The following SEMA6D variants were observed in gnomAD, a reference collection of about 807,000 sequenced individuals.
The protein encoded by SEMA6D is semaphorin-6D.
In SEMA6D, 35 loss-of-function variants were observed where a neutral mutation model predicts 106.6. The observed-to-expected ratio is 0.33, with a 90% confidence interval of 0.25 to 0.44. The LOEUF is 0.44. Among genes scored for constraint, SEMA6D ranks in the 20% least tolerant of loss-of-function variants. The pLI is 1.00. For missense variants in SEMA6D, 1,185 were observed against 1,345.9 expected (o/e 0.88, Z 1.87); for synonymous variants, 499 against 487.7 (o/e 1.02, Z -0.31).
intron 1 of SEMA6D, among the ~76,000 whole-genome samples, chr15:47,205,666 C>T (rs2141134483): frequency 6.6e-6 from 1 of 152,180 alleles, no homozygotes; most frequent in South Asian, 2.1e-4. Flanking sequence ...TAGAAAGCCA[C>T]AGATATATTT....
intron 1 of SEMA6D, among the ~76,000 whole-genome samples, chr15:47,255,268 A>T (rs1330665903): frequency 6.6e-6 from 1 of 152,078 alleles, no homozygotes; most frequent in Non-Finnish European, 1.5e-5. Context: ...TCGTTGTATT[A>T]CTGTGGTGTC....
intron 18 of SEMA6D, among the ~76,000 whole-genome samples, chr15:47,769,891 T>C (rs1296763906): frequency 6.6e-6 from 1 of 152,062 alleles, no homozygotes; most frequent in Admixed American, 6.6e-5. Context: ...ACATAGTCGG[T>C]CATTCAAGAG....
At chr15:47,208,138 G>A (rs1895236184) in intron 1 of SEMA6D, among the ~76,000 whole-genome samples, 1 of 151,526 alleles carries the variant, frequency 6.6e-6, no homozygotes, top group East Asian at 1.9e-4. Flanking sequence ...TGAGATTTGG[G>A]GCTTGTTTTA....
intron 4 of SEMA6D, among the ~76,000 whole-genome samples, chr15:47,657,624 AC>A: frequency 6.7e-6 from 1 of 148,342 alleles, no homozygotes; most frequent in Middle Eastern, 3.5e-3. Context: ...CAACATGTAT[AC>A]CTTTTTTAAT....
intron 1 of SEMA6D, among the ~76,000 whole-genome samples, chr15:47,361,937 G>A (rs1810915713): frequency 6.6e-6 from 1 of 152,160 alleles, no homozygotes; most frequent in African/African-American, 2.4e-5. Flanking sequence ...CACTCTCTTC[G>A]AAGAATTCCA....
chr15:47,278,116 G>T (rs1425510229), intron 1 of SEMA6D, among the ~76,000 whole-genome samples: 1 of 151,632 alleles, frequency 6.6e-6, no homozygotes, highest in Non-Finnish European at 1.5e-5. Flanking sequence ...ATAGTCCTTT[G>T]GGTATATACC....
intron 2 of SEMA6D, among the ~76,000 whole-genome samples, chr15:47,432,856 T>A (rs1263979323): frequency 1.3e-5 from 2 of 152,282 alleles, no homozygotes; most frequent in East Asian, 3.9e-4. Context: ...TGGTGAGAAG[T>A]GTGCATTTTT....
intron 4 of SEMA6D, among the ~76,000 whole-genome samples, chr15:47,685,677 T>C (rs2078452750): frequency 6.6e-6 from 1 of 152,188 alleles, no homozygotes; most frequent in African/African-American, 2.4e-5. Flanking sequence ...AGGAGCATCC[T>C]GAGACCCCTA....
At chr15:47,371,305 T>C (rs948776082) in intron 1 of SEMA6D, among the ~76,000 whole-genome samples, 11 of 152,246 alleles carry the variant, frequency 7.2e-5, no homozygotes, top group Non-Finnish European at 1.6e-4. Flanking sequence ...TTAACTCCTA[T>C]CTTCATGGCT....
rs1212906459 is a variant in SEMA6D at position 47,763,744 on chromosome 15, C to T, written c.748-106C>T. The stretch of plus-strand genomic sequence containing the variant: ...AGAAGACTGCTAGATTTTTTTGAAC[C>T]AGATGTATCTTTAGTATTTTTTGTC... On this transcript the variant is annotated intron_variant, in intron 9 of 18. Transcript: ENST00000536845. The T allele has an allele frequency of 7.2e-6, 7 of 970,218 alleles. No homozygotes were observed. The African/African-American group carries it at 1.1e-4, about 16-fold the overall frequency. The allele number at this position is 970,218 out of a possible 1,614,324, so 60.1% of individuals were successfully genotyped here.
At chr15:47,301,581 T>C (rs1206329939) in intron 1 of SEMA6D, among the ~76,000 whole-genome samples, 1 of 152,168 alleles carries the variant, frequency 6.6e-6, no homozygotes. Flanking sequence ...TGATTTTGAG[T>C]GTTGCTGCTC....
intron 3 of SEMA6D, among the ~76,000 whole-genome samples, chr15:47,568,189 C>A (rs2046283439): frequency 2.7e-5 from 1 of 37,578 alleles, no homozygotes. Context: ...CTGATTTTGC[C>A]ATTTAAAAAA....
At chr15:47,658,331 CTATAA>C (rs1229244150) in intron 4 of SEMA6D, among the ~76,000 whole-genome samples, 1 of 151,954 alleles carries the variant, frequency 6.6e-6, no homozygotes, top group Admixed American at 6.6e-5. Context: ...ACCTATGTGG[CTATAA>C]TATAATATTT....
chr15:47,332,656 T>C (rs996570217), intron 1 of SEMA6D, among the ~76,000 whole-genome samples: 33 of 152,198 alleles, frequency 2.2e-4, no homozygotes, highest in African/African-American at 7.7e-4. Flanking sequence ...TAGCTGTGGC[T>C]GTGGGATCAT....
At chr15:47,536,558 C>T (rs1399189028) in intron 3 of SEMA6D, among the ~76,000 whole-genome samples, 2 of 152,120 alleles carry the variant, frequency 1.3e-5, no homozygotes, top group African/African-American at 4.8e-5. Context: ...CACTGAGGGT[C>T]TAGGTGTGTA....
At chr15:47,530,742 G>A (rs1388706602) in intron 3 of SEMA6D, among the ~76,000 whole-genome samples, 1 of 151,560 alleles carries the variant, frequency 6.6e-6, no homozygotes, top group African/African-American at 2.4e-5. Flanking sequence ...AAGAGTGTGG[G>A]TCCGAAGCCA....
At chr15:47,377,717 T>A (rs2039498124) in intron 1 of SEMA6D, among the ~76,000 whole-genome samples, 1 of 152,142 alleles carries the variant, frequency 6.6e-6, no homozygotes, top group South Asian at 2.1e-4. Flanking sequence ...GGAAAATTTG[T>A]CTGGAGTCTA....
At chr15:47,266,529 A>G (rs962090805) in intron 1 of SEMA6D, among the ~76,000 whole-genome samples, 17 of 152,104 alleles carry the variant, frequency 1.1e-4, no homozygotes, top group African/African-American at 4.1e-4. Flanking sequence ...CCACTGCCTT[A>G]TAAGCCGTAA....
At chr15:47,585,658 C>T (rs1024698142) in intron 3 of SEMA6D, among the ~76,000 whole-genome samples, 12 of 151,974 alleles carry the variant, frequency 7.9e-5, no homozygotes, top group African/African-American at 1.2e-4. Context: ...GATCTAGGTG[C>T]GAGGCCAAAC....
Sources: gnomAD v4.1 joint callset for allele counts (sites outside exome capture counted in the v4.1 genomes callset) on GRCh38, gnomAD v4.1.1 for gene constraint, MANE v1.5 for transcripts, NCBI Gene and HGNC (gene_info 2026-07-23, HGNC 2026-07-21) for gene names.